TUSC3: variants seen among roughly 807,000 people sequenced by gnomAD.
TUSC3 encodes the protein tumor suppressor candidate 3, also known as dolichyl-diphosphooligosaccharide--protein glycosyltransferase subunit TUSC3.
A neutral mutation model predicts 44.8 loss-of-function variants in TUSC3; 45 were observed. The observed-to-expected ratio is 1.00, with a 90% CI of 0.79 to 1.29. TUSC3 has a LOEUF of 1.29. Among genes scored for constraint, TUSC3 ranks in the 50% most tolerant of loss-of-function variants. The pLI, the probability that TUSC3 is intolerant of heterozygous loss-of-function variation, is 0.00. For missense variants in TUSC3, 519 were observed against 437.9 expected (o/e 1.19, Z -1.65); for synonymous variants, 212 against 152.9 (o/e 1.39, Z -2.85).
the TUSC3 span, among the ~76,000 whole-genome samples, chr8:15,812,707 T>G: frequency 6.6e-6 from 1 of 152,150 alleles, no homozygotes; most frequent in Non-Finnish European, 1.5e-5. Context: ...TAATAGTACA[T>G]GAGTGTAGAT....
At chr8:15,456,584 G>C (rs1297139859) in intron 1 of TUSC3, among the ~76,000 whole-genome samples, 1 of 152,104 alleles carries the variant, frequency 6.6e-6, no homozygotes, top group Non-Finnish European at 1.5e-5. Flanking sequence ...GAGCTAGAAA[G>C]CCTAGAAATA....
the TUSC3 span, among the ~76,000 whole-genome samples, chr8:15,850,038 A>C: frequency 6.6e-6 from 1 of 151,122 alleles, no homozygotes. Context: ...GGGGGCCCCT[A>C]TTTCTACACC....
intron 2 of TUSC3, among the ~76,000 whole-genome samples, chr8:15,487,688 T>G (rs560880401): frequency 2.0e-5 from 3 of 152,344 alleles, no homozygotes; most frequent in African/African-American, 7.2e-5. Context: ...TACTCCAATA[T>G]CAGCACATCT....
At chr8:15,598,955 C>T (rs1374306862) in intron 1 of TUSC3, among the ~76,000 whole-genome samples, 4 of 151,600 alleles carry the variant, frequency 2.6e-5, no homozygotes, top group African/African-American at 9.7e-5. Context: ...TTGAGTAGAT[C>T]CCAAGGAATG....
At chr8:15,580,785 A>C (rs530276486) in intron 1 of TUSC3, among the ~76,000 whole-genome samples, 5,093 of 133,906 alleles carry the variant, frequency 0.038, 231 homozygotes, top group African/African-American at 0.066. Context: ...TGAATCTGAC[A>C]ATTATGTGTC....
At chr8:15,419,904 T>C (rs1799716922) in intron 1 of TUSC3, among the ~76,000 whole-genome samples, 1 of 152,178 alleles carries the variant, frequency 6.6e-6, no homozygotes, top group South Asian at 2.1e-4. Context: ...TGAATTGTCT[T>C]TTATAAATCT....
Position 15,643,546 on chromosome 8 carries a change from T to C in TUSC3, c.309-7151T>C, listed in dbSNP as rs114104343. Reference sequence around the variant, plus strand: ...TTAAAATATGTATTTGGATCACATATGTTAGAATTGTTTTCCAAGGAAAGA... The same window carrying C: ...TTAAAATATGTATTTGGATCACATACGTTAGAATTGTTTTCCAAGGAAAGA... On this transcript the variant is annotated intron_variant, in intron 2 of 10. Transcript: ENST00000503731. 5.7e-3 allele frequency among the ~76,000 whole-genome samples: 871 copies of C among 152,294 alleles called. 9 individuals carry two copies. The highest frequency in any genetic ancestry group is 0.02 in the African/African-American group (813 of 41,560).
At chr8:15,593,184 C>G (rs909199702) in intron 1 of TUSC3, among the ~76,000 whole-genome samples, 8 of 152,108 alleles carry the variant, frequency 5.3e-5, no homozygotes, top group Non-Finnish European at 1.0e-4. Context: ...CTTCTGGGTT[C>G]AAGCGATTCT....
chr8:15,625,643 A>T (rs772835934), intron 2 of TUSC3, among the ~76,000 whole-genome samples: 1 of 152,236 alleles, frequency 6.6e-6, no homozygotes, highest in Non-Finnish European at 1.5e-5. Context: ...GACTTGGTTT[A>T]GGCTTCTAAA....
At chr8:15,583,687 C>T (rs998518397) in intron 1 of TUSC3, among the ~76,000 whole-genome samples, 2 of 152,042 alleles carry the variant, frequency 1.3e-5, no homozygotes, top group Non-Finnish European at 2.9e-5. Context: ...AAGTGTTCAC[C>T]TTTAGTGCTC....
the TUSC3 span, among the ~76,000 whole-genome samples, chr8:15,813,389 CA>C: frequency 1.2e-4 from 18 of 145,176 alleles, no homozygotes; most frequent in African/African-American, 3.8e-4. Flanking sequence ...AACAAACAAA[CA>C]AAAAAAAAAA....
intron 8 of TUSC3, 136 bp downstream of exon 8, chr8:15,743,748 T>C: frequency 1.0e-6 from 1 of 978,794 alleles, no homozygotes; most frequent in South Asian, 1.3e-5. Context: ...TTTTAACTTT[T>C]TTCTATTGCT....
chr8:15,549,993 A>C (rs562408852), intron 1 of TUSC3, among the ~76,000 whole-genome samples: 13 of 151,820 alleles, frequency 8.6e-5, no homozygotes, highest in African/African-American at 3.1e-4. Flanking sequence ...TACAACTCTA[A>C]GGGGATCCAT....
intron 1 of TUSC3, among the ~76,000 whole-genome samples, chr8:15,480,588 G>A (rs181403698): frequency 3.9e-5 from 6 of 152,186 alleles, no homozygotes; most frequent in Admixed American, 3.9e-4. Context: ...AAATTATATA[G>A]CCATGCCATG....
At chr8:15,750,306 A>C (rs1159252623) in intron 9 of TUSC3, among the ~76,000 whole-genome samples, 1 of 152,108 alleles carries the variant, frequency 6.6e-6, no homozygotes, top group Non-Finnish European at 1.5e-5. Flanking sequence ...TTTAGTTGAC[A>C]GGAAGTAGGG....
rs150368776 is a variant in TUSC3, at chr8:15,563,685, C to CAA, written c.138+23136_138+23137dup. ...TGAGTGACAGAGTGAGCCTCCATCT[C>CAA]AAAAAAAAAAAAAAAAAAAAGAACA... On this transcript the variant is annotated intron_variant, in intron 1 of 10. Coordinates refer to ENST00000503731, the MANE Select transcript of TUSC3 (RefSeq NM_006765.4). 5.5e-3 allele frequency among the ~76,000 whole-genome samples: 442 copies of CAA among 79,746 alleles called. 14 individuals carry two copies. The highest frequency in any genetic ancestry group is 0.012 in the East Asian group (32 of 2,672). 52.3% of individuals were successfully genotyped at this position (79,746 alleles called of 152,430 possible).
intron 6 of TUSC3, among the ~76,000 whole-genome samples, chr8:15,707,474 C>T (rs1375927754): frequency 1.3e-5 from 2 of 151,878 alleles, no homozygotes; most frequent in Non-Finnish European, 2.9e-5. Context: ...GTGGCAAACA[C>T]CACCACTAAA....
chr8:15,840,148 A>G, the TUSC3 span, among the ~76,000 whole-genome samples: 1 of 151,820 alleles, frequency 6.6e-6, no homozygotes, highest in Non-Finnish European at 1.5e-5. Flanking sequence ...AACACCGCAT[A>G]CTCTCACTCA....
the TUSC3 span, among the ~76,000 whole-genome samples, chr8:15,787,213 T>A: frequency 3.3e-5 from 5 of 152,176 alleles, no homozygotes; most frequent in Non-Finnish European, 5.9e-5. Context: ...TTCTTAGATT[T>A]CTTTCAACTT....
Sources: allele counts gnomAD v4.1 joint callset (sites outside exome capture counted in the v4.1 genomes callset), GRCh38; gene constraint gnomAD v4.1.1; transcripts MANE v1.5; gene names NCBI Gene and HGNC (gene_info 2026-07-23, HGNC 2026-07-21).